The following NEK4 variants were observed in gnomAD, a reference collection of about 807,000 sequenced individuals.
NEK4 encodes serine/threonine-protein kinase Nek4.
NEK4 carries 86 observed loss-of-function variants against 98.4 expected under a neutral mutation model. The observed-to-expected ratio is 0.87, with a 90% CI of 0.73 to 1.05. The LOEUF is 1.05. Ranked by LOEUF, NEK4 falls within the 50% of genes least tolerant of loss-of-function variation. The pLI, the probability that NEK4 is intolerant of heterozygous loss-of-function variation, is 0.00. For missense variants in NEK4, 898 were observed against 950.3 expected (o/e 0.94, Z 0.72); for synonymous variants, 328 against 342.2 (o/e 0.96, Z 0.46).
intron 4 of NEK4, 59 bp from the exon 5 acceptor site, chr3:52,763,683 C>A: frequency 7.7e-7 from 1 of 1,296,974 alleles, no homozygotes. Context: ...AAAGTAAAAG[C>A]TGGTAGAGGT....
chr3:52,757,403 CAA>C (rs1698153241), intron 6 of NEK4, among the ~76,000 whole-genome samples: 1 of 151,908 alleles, frequency 6.6e-6, no homozygotes, highest in Non-Finnish European at 1.5e-5. Context: ...ACTAAAAATA[CAA>C]AAATTAGCTG....
intron 11 of NEK4, 51 bp downstream of exon 11, chr3:52,744,188 C>T (rs752062735): frequency 1.2e-5 from 16 of 1,353,282 alleles, no homozygotes; most frequent in South Asian, 1.0e-4. Context: ...TTTCTGTCCA[C>T]GAACCATACC....
chr3:52,731,431 A>G (rs895019716), intron 15 of NEK4, among the ~76,000 whole-genome samples: 1 of 152,266 alleles, frequency 6.6e-6, no homozygotes, highest in African/African-American at 2.4e-5. Flanking sequence ...CCAAAGTAAC[A>G]GTAAGCAAAG....
At chr3:52,751,167 G>A (rs6445536) in intron 7 of NEK4, among the ~76,000 whole-genome samples, 8,380 of 152,034 alleles carry the variant, frequency 0.055, 495 homozygotes, top group African/African-American at 0.15. Flanking sequence ...AAAAGTAGCC[G>A]GGCATCGGCC....
chr3:52,764,115 T>C (rs966868361), intron 4 of NEK4, among the ~76,000 whole-genome samples: 5 of 151,258 alleles, frequency 3.3e-5, no homozygotes, highest in African/African-American at 4.9e-5. Flanking sequence ...TGAAACCCCG[T>C]CTCTACTAAA....
chr3:52,753,339 G>A (rs1049179769), intron 6 of NEK4, among the ~76,000 whole-genome samples: 3 of 152,188 alleles, frequency 2.0e-5, no homozygotes, highest in Non-Finnish European at 4.4e-5. Flanking sequence ...AGGGCAGGGA[G>A]CAAGCAGGGG....
At chr3:52,769,602 T>C (rs1321289023) in intron 1 of NEK4, among the ~76,000 whole-genome samples, 2 of 152,178 alleles carry the variant, frequency 1.3e-5, no homozygotes, top group Non-Finnish European at 2.9e-5. Context: ...CTGAATAAAT[T>C]TCTTATGCAT....
At chr3:52,727,430 T>A (rs560442880) in intron 15 of NEK4, among the ~76,000 whole-genome samples, 2 of 152,320 alleles carry the variant, frequency 1.3e-5, no homozygotes, top group East Asian at 3.8e-4. Flanking sequence ...CACAGTGGGA[T>A]GAAGTTAGAA....
rs892404095 is a variant in NEK4, at chr3:52,749,840, A to T, written c.1369-11T>A. The T allele has an allele frequency of 1.3e-5, 2 of 159,214 alleles. No homozygotes were observed. Among genetic ancestry groups the T allele is most frequent in the African/African-American group, 4.8e-5 (2 of 41,550 alleles). The allele number at this position is 159,214 out of a possible 1,614,324, so 9.9% of individuals were successfully genotyped here. On this transcript the variant is annotated splice_polypyrimidine_tract_variant and intron_variant, in intron 7 of 15. Transcript: ENST00000233027. The stretch of plus-strand genomic sequence containing the variant: ...CGACAGGGCAAGACTCTGTCTCAAA[A>T]AAAAAGAAAAAGAAAAACATGTTCA...
intron 6 of NEK4, among the ~76,000 whole-genome samples, chr3:52,757,988 C>G (rs186676842): frequency 9.2e-5 from 14 of 151,898 alleles, no homozygotes; most frequent in Admixed American, 6.6e-4. Flanking sequence ...CCAGTCTGGC[C>G]AACGTGGTGA....
intron 6 of NEK4, among the ~76,000 whole-genome samples, chr3:52,756,939 G>A (rs1019643982): frequency 6.6e-6 from 1 of 152,108 alleles, no homozygotes; most frequent in African/African-American, 2.4e-5. Flanking sequence ...AATGGGCAAA[G>A]GATTTGAATA....
intron 15 of NEK4, among the ~76,000 whole-genome samples, chr3:52,719,556 C>T (rs2097358257): frequency 6.8e-6 from 1 of 147,284 alleles, no homozygotes; most frequent in Non-Finnish European, 1.5e-5. Flanking sequence ...GCACTCCAGC[C>T]TGGGTGACAG....
chr3:52,712,883 G>C (rs1578610390), intron 15 of NEK4, among the ~76,000 whole-genome samples: 4 of 152,258 alleles, frequency 2.6e-5, no homozygotes. Context: ...CCTCTTATCT[G>C]TGTTCCTGCG....
chr3:52,751,790 G>A (rs2097405538), intron 7 of NEK4, 142 bp downstream of exon 7: 1 of 839,462 alleles, frequency 1.2e-6, no homozygotes, highest in Admixed American at 2.8e-5. Context: ...TTTCTTTTTG[G>A]TTTGATGCAA....
Position 52,711,622 on chromosome 3 carries a change from TC to T in NEK4, c.*154del. On this transcript the variant is annotated 3_prime_UTR_variant, in exon 16 of 16. Transcript: ENST00000233027. ...TCCTGCTTCATATTATTCTGTTCTG[TC>T]CAATTTCTTTTCTGTAGGGAAACGC... 1 of 602,538 alleles carries T rather than the reference TC, an allele frequency of 1.7e-6. No individual in the cohort carries two copies. Among genetic ancestry groups the T allele is most frequent in the South Asian group, 2.3e-5 (1 of 42,702 alleles). The allele number at this position is 602,538 out of a possible 1,614,324, so 37.3% of individuals were successfully genotyped here.
At chr3:52,735,160 T>C (rs1245001731) in intron 15 of NEK4, 1 of 152,838 alleles carries the variant, frequency 6.5e-6, no homozygotes, top group Non-Finnish European at 1.5e-5. Flanking sequence ...TCTACTAATT[T>C]TATTCTGAAT....
Position 52,770,910 on chromosome 3 carries a change from T to A in NEK4, c.-164A>T. 1.6e-6 allele frequency: 1 copy of A among 621,144 alleles called. No individual in the cohort carries two copies. Among genetic ancestry groups the A allele is most frequent in the Non-Finnish European group, 2.8e-6 (1 of 356,092 alleles). The allele number at this position is 621,144 out of a possible 1,614,324, so 38.5% of individuals were successfully genotyped here. A position where few individuals can be genotyped will look rare whatever the true frequency, so the allele number is the denominator to read the frequency against. On this transcript the variant is annotated 5_prime_UTR_variant, in exon 1 of 16. Coordinates refer to ENST00000233027, the MANE Select transcript of NEK4 (RefSeq NM_003157.6). ...GGGGCCCGGCCCGCGACGACGCCGC[T>A]GCCATAGCGATCCGGGCCGGGAGCA... is the stretch of plus-strand genomic sequence containing the variant.
chr3:52,752,164 C>T lies in NEK4; in HGVS notation c.1136G>A (p.Ser379Asn), dbSNP rs770168568. The T allele has an allele frequency of 1.2e-6, 2 of 1,614,212 alleles. No individual in the cohort carries two copies. The highest frequency in any genetic ancestry group is 8.5e-7 in the Non-Finnish European group (1 of 1,180,048). ...CTGATTCTCCTGAACAAAGCCATCA[C>T]TCACTGAATCCCTCCCTTTTGCAGG... is the stretch of plus-strand genomic sequence containing the variant. ...ILPAKGRDSV[S>N]DGFVQENQPR... Residue 379 changes from serine to asparagine, a missense_variant, in exon 7 of 16, where the codon AGT (serine) becomes AAT (asparagine). Coordinates refer to ENST00000233027, the MANE Select transcript of NEK4 (RefSeq NM_003157.6).
At chr3:52,719,270 A>G (rs756996150) in intron 15 of NEK4, among the ~76,000 whole-genome samples, 1 of 152,192 alleles carries the variant, frequency 6.6e-6, no homozygotes, top group Non-Finnish European at 1.5e-5. Context: ...AAGCCAATTC[A>G]TTGGAGATGT....
Sources: gnomAD v4.1 joint callset for allele counts (sites outside exome capture counted in the v4.1 genomes callset) on GRCh38, gnomAD v4.1.1 for gene constraint, MANE v1.5 for transcripts, NCBI Gene and HGNC (gene_info 2026-07-23, HGNC 2026-07-21) for gene names.